The following MAGI1 variants were observed in gnomAD, a reference collection of about 807,000 sequenced individuals.
MAGI1 encodes the protein membrane associated guanylate kinase, WW and PDZ domain containing 1, also known as membrane-associated guanylate kinase, WW and PDZ domain-containing protein 1.
Under a neutral mutation model 139.9 loss-of-function variants are expected in MAGI1, and 58 were observed. The observed-to-expected ratio is 0.41, with a 90% CI of 0.34 to 0.52. The LOEUF (loss-of-function observed/expected upper bound fraction) is 0.52, where lower values mean the gene tolerates loss of function less well. Among genes scored for constraint, MAGI1 ranks in the 20% least tolerant of loss-of-function variants. The pLI, the probability that MAGI1 is intolerant of heterozygous loss-of-function variation, is 0.12. For synonymous variants in MAGI1, 812 were observed against 737.9 expected (o/e 1.10, Z -1.63); for missense variants, 1,874 against 1,901.6 (o/e 0.99, Z 0.27).
At chr3:65,369,657 C>T (rs181311274) in intron 18 of MAGI1, among the ~76,000 whole-genome samples, 15 of 152,136 alleles carry the variant, frequency 9.9e-5, no homozygotes, top group African/African-American at 3.1e-4. Context: ...TACAGGCACG[C>T]GCCACCATGC....
intron 1 of MAGI1, among the ~76,000 whole-genome samples, chr3:65,676,609 C>T (rs1184414438): frequency 6.6e-6 from 1 of 152,196 alleles, no homozygotes; most frequent in African/African-American, 2.4e-5. Flanking sequence ...GGAGAAACTA[C>T]TCCTTTTTAT....
intron 1 of MAGI1, among the ~76,000 whole-genome samples, chr3:65,992,506 C>G (rs1170559200): frequency 6.6e-6 from 1 of 152,186 alleles, no homozygotes; most frequent in Non-Finnish European, 1.5e-5. Context: ...GTACCTTTCC[C>G]TTGATTTCCA....
intron 2 of MAGI1, among the ~76,000 whole-genome samples, chr3:65,511,155 C>T (rs1273401609): frequency 6.7e-5 from 10 of 149,658 alleles, no homozygotes; most frequent in East Asian, 2.0e-4. Flanking sequence ...CTGAAGGAAG[C>T]GCTAAACATG....
chr3:65,527,962 T>C (rs1408617459), intron 2 of MAGI1, among the ~76,000 whole-genome samples: 2 of 151,954 alleles, frequency 1.3e-5, no homozygotes, highest in Non-Finnish European at 2.9e-5. Context: ...AAGTACCAAT[T>C]GGCAATTTTT....
chr3:65,359,757 A>T (rs1940611116), intron 22 of MAGI1: 1 of 985,546 alleles, frequency 1.0e-6, no homozygotes, highest in Admixed American at 6.1e-5. Flanking sequence ...TATTTAAATG[A>T]TCTTTATTTT....
At chr3:65,399,760 C>T (rs72892343) in intron 13 of MAGI1, among the ~76,000 whole-genome samples, 143 of 152,324 alleles carry the variant, frequency 9.4e-4, no homozygotes, top group African/African-American at 3.0e-3. Flanking sequence ...GGTTCAATAC[C>T]TATTTGATAG....
chr3:65,506,153 C>A (rs1559617472), intron 2 of MAGI1, among the ~76,000 whole-genome samples: 2 of 152,090 alleles, frequency 1.3e-5, no homozygotes, highest in Admixed American at 1.3e-4. Context: ...AATCTCAGCT[C>A]TGGTATTTGC....
At chr3:65,831,418 T>C (rs1487100744) in intron 1 of MAGI1, among the ~76,000 whole-genome samples, 1 of 152,226 alleles carries the variant, frequency 6.6e-6, no homozygotes, top group Non-Finnish European at 1.5e-5. Flanking sequence ...AATTCCTCCA[T>C]GCTTTTAAGG....
intron 18 of MAGI1, among the ~76,000 whole-genome samples, chr3:65,366,139 A>G (rs1189234168): frequency 1.3e-5 from 2 of 152,178 alleles, no homozygotes; most frequent in African/African-American, 4.8e-5. Flanking sequence ...GATGACAATA[A>G]TTCCCCTCTC....
chr3:65,530,776 CACAT>C lies in MAGI1; in HGVS notation c.431-37149_431-37146del, dbSNP rs542955365. 8.0e-3 allele frequency among the ~76,000 whole-genome samples: 550 copies of C among 69,064 alleles called. 64 individuals carry two copies. Among genetic ancestry groups the C allele is most frequent in the African/African-American group, 0.039 (510 of 13,244 alleles). 45.3% of individuals were successfully genotyped at this position (69,064 alleles called of 152,430 possible). On this transcript the variant is annotated intron_variant, in intron 2 of 22. Transcript: ENST00000402939. ...ATACACGTATATATATATATATACA[CACAT>C]ATATATACACGTATATATATATATA... is the stretch of plus-strand genomic sequence containing the variant.
intron 1 of MAGI1, among the ~76,000 whole-genome samples, chr3:65,777,349 T>TA (rs1472898997): frequency 6.6e-6 from 1 of 152,134 alleles, no homozygotes; most frequent in Non-Finnish European, 1.5e-5. Flanking sequence ...GTGATGTACT[T>TA]AGACGAATGA....
rs1247598595 is a variant in MAGI1, at chr3:65,382,091, G to C, written c.2509-22C>G. The C allele has an allele frequency of 3.2e-6, 5 of 1,566,314 alleles. No homozygotes were observed. In the Admixed American group the frequency reaches 5.3e-5, roughly 17 times the overall value. On this transcript the variant is annotated intron_variant, in intron 15 of 22. Transcript: ENST00000402939. Reference sequence around the variant, plus strand: ...AAATCTGTTGAGTAATTGAACGATGGATGAAACATTGCTCTCCTATGTTTA... The same window carrying C: ...AAATCTGTTGAGTAATTGAACGATGCATGAAACATTGCTCTCCTATGTTTA...
chr3:65,933,995 T>G (rs564207488), intron 1 of MAGI1, among the ~76,000 whole-genome samples: 1 of 152,016 alleles, frequency 6.6e-6, no homozygotes, highest in African/African-American at 2.4e-5. Context: ...GGCTTGGTGG[T>G]GGGCATCTGT....
chr3:65,640,664 T>C (rs901339863), intron 1 of MAGI1, among the ~76,000 whole-genome samples: 4 of 152,250 alleles, frequency 2.6e-5, no homozygotes, highest in African/African-American at 4.8e-5. Context: ...CATTGTTGTA[T>C]GTTTATTCAC....
intron 9 of MAGI1, 107 bp downstream of exon 9, chr3:65,439,772 A>C: frequency 1.3e-6 from 2 of 1,573,360 alleles, no homozygotes; most frequent in Middle Eastern, 2.3e-4. Flanking sequence ...GTGTGGCAAG[A>C]GAGGACTCAA....
At chr3:65,807,392 C>T (rs963763692) in intron 1 of MAGI1, among the ~76,000 whole-genome samples, 2 of 152,128 alleles carry the variant, frequency 1.3e-5, no homozygotes, top group South Asian at 2.1e-4. Flanking sequence ...TTTATAAGGA[C>T]ACTAATTCCA....
intron 12 of MAGI1, among the ~76,000 whole-genome samples, chr3:65,419,246 A>ACACATACACACACACACAC (rs1559538680): frequency 6.7e-6 from 1 of 150,066 alleles, no homozygotes; most frequent in Non-Finnish European, 1.5e-5. Flanking sequence ...ACACACACAC[A>ACACATACACACACACACAC]AGTGTATGAA....
intron 1 of MAGI1, among the ~76,000 whole-genome samples, chr3:65,993,770 T>A (rs1157116103): frequency 6.6e-6 from 1 of 152,076 alleles, no homozygotes; most frequent in African/African-American, 2.4e-5. Context: ...CACACACACA[T>A]AGCTTGGGGT....
intron 1 of MAGI1, among the ~76,000 whole-genome samples, chr3:65,812,480 A>ACACACACACACGCACACACACG (rs72383320): frequency 6.8e-6 from 1 of 146,110 alleles, no homozygotes; most frequent in Non-Finnish European, 1.5e-5. Flanking sequence ...ACACACACAC[A>ACACACACACACGCACACACACG]CACACACACA....
Sources: gnomAD v4.1 joint callset for allele counts (sites outside exome capture counted in the v4.1 genomes callset) on GRCh38, gnomAD v4.1.1 for gene constraint, MANE v1.5 for transcripts, NCBI Gene and HGNC (gene_info 2026-07-23, HGNC 2026-07-21) for gene names.